The following CCDC73 variants were observed in gnomAD, a reference collection of about 807,000 sequenced individuals.
CCDC73 encodes coiled-coil domain containing 73.
In CCDC73, 95 loss-of-function variants were observed where a neutral mutation model predicts 116.5. The ratio of observed to expected loss-of-function variants is 0.82; its 90% CI spans 0.69 to 0.97. The LOEUF (loss-of-function observed/expected upper bound fraction) is 0.97, where lower values mean the gene tolerates loss of function less well. Among genes scored for constraint, CCDC73 ranks in the 50% least tolerant of loss-of-function variants. The pLI is 0.00. For synonymous variants in CCDC73, 398 were observed against 401.3 expected (o/e 0.99, Z 0.10); for missense variants, 1,066 against 1,206.8 (o/e 0.88, Z 1.73).
intron 17 of CCDC73, among the ~76,000 whole-genome samples, chr11:32,607,314 G>A (rs1031318560): frequency 1.1e-4 from 17 of 148,468 alleles, no homozygotes; most frequent in Non-Finnish European, 2.1e-4. Context: ...GGATGGTCTC[G>A]ATCTCCTGAC....
At chr11:32,674,010 C>A (rs1016538454) in intron 9 of CCDC73, among the ~76,000 whole-genome samples, 2 of 152,110 alleles carry the variant, frequency 1.3e-5, no homozygotes, top group Non-Finnish European at 2.9e-5. Flanking sequence ...GAATAAATAC[C>A]CTGATTCACT....
chr11:32,658,014 T>C (rs1429650293), intron 9 of CCDC73, among the ~76,000 whole-genome samples: 2 of 76,924 alleles, frequency 2.6e-5, no homozygotes, highest in Non-Finnish European at 5.0e-5. Context: ...CCCCCTACCC[T>C]AGTCTCTTTA....
At chr11:32,758,341 C>T in intron 2 of CCDC73, 1 of 505,134 alleles carries the variant, frequency 2.0e-6, no homozygotes, top group Non-Finnish European at 3.9e-6. Flanking sequence ...CTGTCCCAAA[C>T]CCCTGGTAAT....
At chr11:32,768,868 G>C (rs530334969) in intron 1 of CCDC73, among the ~76,000 whole-genome samples, 1 of 151,978 alleles carries the variant, frequency 6.6e-6, no homozygotes, top group Admixed American at 6.6e-5. Flanking sequence ...AAAGAAAAGA[G>C]ACAAAGACAA....
chr11:32,776,932 A>AT (rs1850537146), intron 1 of CCDC73, among the ~76,000 whole-genome samples: 1 of 27,974 alleles, frequency 3.6e-5, no homozygotes, highest in African/African-American at 9.8e-5. Flanking sequence ...GGTTAAAAAA[A>AT]AAAAATATAT....
chr11:32,766,924 C>T (rs1049842656), intron 1 of CCDC73, among the ~76,000 whole-genome samples: 3 of 152,152 alleles, frequency 2.0e-5, no homozygotes, highest in Admixed American at 2.0e-4. Context: ...CAATGCCATC[C>T]CCATCAAACT....
At chr11:32,639,715 C>A (rs1855715385) in intron 13 of CCDC73, among the ~76,000 whole-genome samples, 1 of 152,206 alleles carries the variant, frequency 6.6e-6, no homozygotes, top group Non-Finnish European at 1.5e-5. Context: ...TCCCAAAGTG[C>A]TGGGATTACA....
At chr11:32,822,016 C>G in the CCDC73 span, among the ~76,000 whole-genome samples, 4,245 of 152,194 alleles carry the variant, frequency 0.028, 81 homozygotes, top group South Asian at 0.04. Flanking sequence ...TTCTTCAGGG[C>G]TCAGCTGTTA....
chr11:32,699,352 A>G, intron 5 of CCDC73, 27 bp from the exon 6 acceptor site: 1 of 1,520,626 alleles, frequency 6.6e-7, no homozygotes, highest in Non-Finnish European at 8.9e-7. Flanking sequence ...GTATTTCAAT[A>G]CTTTCCAATG....
At chr11:32,639,692 A>G (rs1590561960) in intron 13 of CCDC73, among the ~76,000 whole-genome samples, 1 of 151,944 alleles carries the variant, frequency 6.6e-6, no homozygotes, top group Non-Finnish European at 1.5e-5. Context: ...CAGGTGATCC[A>G]CCTGCCTTGG....
At chr11:32,659,219 AT>A (rs887137659) in intron 9 of CCDC73, among the ~76,000 whole-genome samples, 13 of 151,050 alleles carry the variant, frequency 8.6e-5, no homozygotes, top group South Asian at 6.3e-4. Context: ...AGTTGCATGA[AT>A]TTTTTTTTTC....
chr11:32,783,564 G>A (rs1490814117), intron 1 of CCDC73, among the ~76,000 whole-genome samples: 1 of 152,188 alleles, frequency 6.6e-6, no homozygotes, highest in Non-Finnish European at 1.5e-5. Context: ...TCAGTGTCTG[G>A]TGAGGTCCTG....
chr11:32,816,784 T>C, the CCDC73 span, among the ~76,000 whole-genome samples: 1 of 152,194 alleles, frequency 6.6e-6, no homozygotes, highest in South Asian at 2.1e-4. Flanking sequence ...TCTTTTTTTC[T>C]TTTCTTTTTA....
rs777844975 is a variant in CCDC73 at position 32,707,383 on chromosome 11, CTT to C, written c.208-4441_208-4440del. ...TTATCTTCAGTGCTACTCGAAGTTA[CTT>C]TTTTTTTTTTTTTAACCACTATAGA... On this transcript the variant is annotated intron_variant, in intron 3 of 17. Coordinates refer to ENST00000335185, the MANE Select transcript of CCDC73 (RefSeq NM_001008391.4). Among the ~76,000 whole-genome samples, 531 of 140,132 alleles carry C rather than the reference CTT, an allele frequency of 3.8e-3. 6 individuals are homozygous for C. Among genetic ancestry groups the C allele is most frequent in the African/African-American group, 0.013 (496 of 38,448 alleles). The allele number at this position is 140,132 out of a possible 152,430, so 91.9% of individuals were successfully genotyped here. A position where few individuals can be genotyped will look rare whatever the true frequency, so the allele number is the denominator to read the frequency against.
chr11:32,702,756 C>A, intron 4 of CCDC73, 117 bp downstream of exon 4: 1 of 756,016 alleles, frequency 1.3e-6, no homozygotes, highest in South Asian at 1.5e-5. Flanking sequence ...TCCCATAATA[C>A]CTTGTTCTCC....
intron 12 of CCDC73, among the ~76,000 whole-genome samples, chr11:32,651,350 T>C (rs2133259527): frequency 6.6e-6 from 1 of 152,282 alleles, no homozygotes; most frequent in Admixed American, 6.5e-5. Context: ...TTGTTATGTC[T>C]CACCCCAAAA....
intron 1 of CCDC73, among the ~76,000 whole-genome samples, chr11:32,777,765 A>C (rs1850550382): frequency 1.3e-5 from 2 of 152,112 alleles, no homozygotes; most frequent in South Asian, 4.1e-4. Context: ...CATATTACAA[A>C]AGAGATTTAA....
chr11:32,747,601 T>C (rs1249341642), intron 2 of CCDC73, among the ~76,000 whole-genome samples: 2 of 152,210 alleles, frequency 1.3e-5, no homozygotes, highest in African/African-American at 4.8e-5. Flanking sequence ...TCAAGCTTCC[T>C]TGCTGCTTTG....
intron 3 of CCDC73, among the ~76,000 whole-genome samples, chr11:32,711,788 C>G (rs753828217): frequency 3.5e-4 from 53 of 152,242 alleles, no homozygotes; most frequent in Non-Finnish European, 4.0e-4. Flanking sequence ...ACTTTAACAG[C>G]GCCCCTTTCT....
Sources: gnomAD v4.1 joint callset for allele counts (sites outside exome capture counted in the v4.1 genomes callset) on GRCh38, gnomAD v4.1.1 for gene constraint, MANE v1.5 for transcripts, NCBI Gene and HGNC (gene_info 2026-07-23, HGNC 2026-07-21) for gene names.